The following PAXIP1 variants were observed in gnomAD, a reference collection of about 807,000 sequenced individuals.
PAXIP1 encodes PAX interacting protein 1.
In PAXIP1, 19 loss-of-function variants were observed where a neutral mutation model predicts 140.6. The observed-to-expected ratio is 0.14, with a 90% CI of 0.09 to 0.20. PAXIP1 has a LOEUF of 0.20. PAXIP1 is among the 10% of genes least tolerant of loss of function. The pLI, the probability that PAXIP1 is intolerant of heterozygous loss-of-function variation, is 1.00. For missense variants in PAXIP1, 920 were observed against 1,208.6 expected (o/e 0.76, Z 3.54); for synonymous variants, 442 against 444.6 (o/e 0.99, Z 0.07).
chr7:154,963,809 A>C lies in PAXIP1; in HGVS notation c.1894-43T>G, dbSNP rs1808875753. 2 of 1,304,678 alleles carry C rather than the reference A, an allele frequency of 1.5e-6. No individual in the cohort carries two copies. Among genetic ancestry groups the C allele is most frequent in the Admixed American group, 3.6e-5 (2 of 55,620 alleles). The allele number at this position is 1,304,678 out of a possible 1,614,324, so 80.8% of individuals were successfully genotyped here. A position where few individuals can be genotyped will look rare whatever the true frequency, so the allele number is the denominator to read the frequency against. On this transcript the variant is annotated intron_variant, in intron 8 of 20. Transcript: ENST00000404141. The surrounding 1 kb of genome is among the most constrained non-coding windows in gnomAD (Gnocchi z 4.1). ...ACCAATGCAGTCATCAATCACTCAG[A>C]ATAGAGGAGAATTCCAATTTCAAAT...
At position 154,963,899 on chromosome 7, in the gene PAXIP1, A is replaced by G. The variant is rs188029153; in HGVS notation, c.1894-133T>C. On this transcript the variant is annotated intron_variant, in intron 8 of 20. Transcript: ENST00000404141. The surrounding 1 kb of genome is among the most constrained non-coding windows in gnomAD (Gnocchi z 4.1). ...TGTATTTCCTCAAAGTATCAAGGAC[A>G]TGTAACAGTTCTATTTACGGACTTT... The G allele has an allele frequency of 1.7e-4, 111 of 663,940 alleles. 1 individual carries two copies. In the East Asian group the frequency reaches 2.6e-3, roughly 16 times the overall value. 41.1% of individuals were successfully genotyped at this position (663,940 alleles called of 1,614,324 possible). A position where few individuals can be genotyped will look rare whatever the true frequency, so the allele number is the denominator to read the frequency against.
chr7:154,945,928 TC>T, intron 20 of PAXIP1: 1 of 985,442 alleles, frequency 1.0e-6, no homozygotes, highest in Non-Finnish European at 1.2e-6. Flanking sequence ...AAGTATTCAT[TC>T]TGCCGCTTCC....
At chr7:154,948,240 G>T (rs1202744627) in intron 16 of PAXIP1, 1 of 470,180 alleles carries the variant, frequency 2.1e-6, no homozygotes, top group Admixed American at 3.4e-5. Context: ...AACCATTTGG[G>T]GTCATAAACT....
rs764368417 is a variant in PAXIP1 at position 154,975,787 on chromosome 7, A to G, written c.983T>C (p.Ile328Thr). 9 of 1,613,792 alleles carry G rather than the reference A, an allele frequency of 5.6e-6. No homozygotes were observed. Among genetic ancestry groups the G allele is most frequent in the African/African-American group, 5.3e-5 (4 of 74,918 alleles). Residue 328 changes from isoleucine (I) to threonine (T), a missense_variant, in exon 6 of 21, where the codon ATA becomes ACA. By Grantham distance (89) the Ile-to-Thr change is moderately conservative. Transcript: ENST00000404141. ...CCGTACAGCTGGACTCCAGGTAGCT[A>G]TCATTTCTGATCTTTCAGAACTTTG... ...NLQSSERSEM[I>T]ATWSPAVRTL...
intron 5 of PAXIP1, among the ~76,000 whole-genome samples, chr7:154,982,905 T>C (rs1809909541): frequency 6.6e-6 from 1 of 152,148 alleles, no homozygotes; most frequent in Admixed American, 6.5e-5. Flanking sequence ...TAAAAATACA[T>C]TTTTTTAACA....
At chr7:154,974,618 C>T (rs751711709) in intron 6 of PAXIP1, 2 of 152,196 alleles carry the variant, frequency 1.3e-5, no homozygotes, top group Non-Finnish European at 2.9e-5. Context: ...ACCATCTCGT[C>T]TAAAATAGCC....
At chr7:154,971,394 C>T (rs1037109780) in intron 6 of PAXIP1, among the ~76,000 whole-genome samples, 5 of 152,236 alleles carry the variant, frequency 3.3e-5, no homozygotes, top group African/African-American at 9.6e-5. Flanking sequence ...ACAAGAGTCC[C>T]GGCTAGGAAT....
chr7:154,946,354 G>A lies in PAXIP1; in HGVS notation c.3194+11C>T. ...CCCGTCTACTTTTTAATTCTCTTTT[G>A]GAAAGGATATGATTCATAGTCCAGC... On this transcript the variant is annotated intron_variant, in intron 20 of 20. Transcript: ENST00000404141. This position sits in a 1 kb window ranked among gnomAD's most constrained non-coding sequence, Gnocchi z 4.9. 1.2e-6 allele frequency: 2 copies of A among 1,613,780 alleles called. No homozygotes were observed. The highest frequency in any genetic ancestry group is 2.2e-5 in the South Asian group (2 of 91,074).
At chr7:154,990,950 A>T in intron 4 of PAXIP1, 56 bp downstream of exon 4, 3 of 1,069,056 alleles carry the variant, frequency 2.8e-6, no homozygotes, top group Non-Finnish European at 4.1e-6. Context: ...CCAACCATAC[A>T]AAAACTCAGA....
intron 2 of PAXIP1, among the ~76,000 whole-genome samples, chr7:154,995,804 A>G (rs1279510369): frequency 2.6e-5 from 4 of 152,166 alleles, no homozygotes; most frequent in Non-Finnish European, 4.4e-5. Flanking sequence ...AGTCGAGATC[A>G]CACCATTGCA....
rs1220343343 is a variant in PAXIP1, at chr7:154,973,227, C to T, written c.1074+2469G>A. ...TCAGCCACACATTCCCAACCACCCC[C>T]AAGACCCATGGTCAGTGGCAGGCCT... On this transcript the variant is annotated intron_variant, in intron 6 of 20. Coordinates refer to ENST00000404141, the MANE Select transcript of PAXIP1 (RefSeq NM_007349.4). This position sits in a 1 kb window ranked among gnomAD's most constrained non-coding sequence, Gnocchi z 4.0. Among the ~76,000 whole-genome samples, 1 of 152,188 alleles carries T rather than the reference C, an allele frequency of 6.6e-6. No homozygotes were observed. Among genetic ancestry groups the T allele is most frequent in the Non-Finnish European group, 1.5e-5 (1 of 68,028 alleles).
Position 154,955,649 on chromosome 7 carries a change from A to G in PAXIP1, c.2550-18T>C. On this transcript the variant is annotated intron_variant, in intron 14 of 20. Coordinates refer to ENST00000404141, the MANE Select transcript of PAXIP1 (RefSeq NM_007349.4). ...CTTCAATTCTGTGGAAGAAATACAC[A>G]TAAAATAGTAGTGATTTCATATTTA... The G allele has an allele frequency of 1.5e-6, 2 of 1,323,928 alleles. No homozygotes were observed. The highest frequency in any genetic ancestry group is 2.1e-6 in the Non-Finnish European group (2 of 950,850). 82.0% of individuals were successfully genotyped at this position (1,323,928 alleles called of 1,614,324 possible).
chr7:154,947,106 A>G (rs965053569), intron 17 of PAXIP1: 1 of 242,920 alleles, frequency 4.1e-6, no homozygotes, highest in African/African-American at 2.3e-5. Context: ...TATTACAAAT[A>G]TTTTTCACAA....
At chr7:155,000,013 T>C (rs1810814895) in intron 1 of PAXIP1, 1 of 152,170 alleles carries the variant, frequency 6.6e-6, no homozygotes, top group Non-Finnish European at 1.5e-5. Context: ...AGGTGGGCAG[T>C]GTCTAAGCTG....
chr7:154,989,046 AC>A (rs1479048364), intron 4 of PAXIP1, among the ~76,000 whole-genome samples: 1 of 152,250 alleles, frequency 6.6e-6, no homozygotes, highest in African/African-American at 2.4e-5. Flanking sequence ...ATATGAAAAA[AC>A]ATTGCAAAAT....
intron 8 of PAXIP1, chr7:154,965,212 G>C (rs1029173632): frequency 1.3e-5 from 2 of 152,252 alleles, no homozygotes; most frequent in African/African-American, 4.8e-5. Context: ...GCCCTCTGGA[G>C]AGCCTCTGTG....
chr7:155,002,672 C>T (rs1346850599), intron 1 of PAXIP1, among the ~76,000 whole-genome samples, 177 bp downstream of exon 1: 3 of 151,412 alleles, frequency 2.0e-5, no homozygotes, highest in Admixed American at 2.0e-4. Context: ...GGGCCCGGGC[C>T]TCCCGCGCCC....
At chr7:154,960,795 C>A in intron 12 of PAXIP1, 98 bp downstream of exon 12, 3 of 824,650 alleles carry the variant, frequency 3.6e-6, no homozygotes, top group South Asian at 2.6e-5. Context: ...TTAGAAAGCT[C>A]AAGCCAGGCC....
rs1808884412 is a variant in PAXIP1 at position 154,963,973 on chromosome 7, A to G, written c.1894-207T>C. The G allele has an allele frequency of 1.9e-6, 1 of 534,468 alleles. No homozygotes were observed. The highest frequency in any genetic ancestry group is 2.2e-5 in the South Asian group (1 of 45,984). 33.1% of individuals were successfully genotyped at this position (534,468 alleles called of 1,614,324 possible). On this transcript the variant is annotated intron_variant, in intron 8 of 20. Transcript: ENST00000404141. This position sits in a 1 kb window ranked among gnomAD's most constrained non-coding sequence, Gnocchi z 4.1. ...AATGAACTCCAATACTCTAAATTTA[A>G]TCTGAATTCCCAGGATACAAGAGAA...
Sources: gnomAD v4.1 joint callset for allele counts (sites outside exome capture counted in the v4.1 genomes callset) on GRCh38, gnomAD v4.1.1 for gene constraint, Gnocchi (gnomAD v3.1) non-coding constraint, MANE v1.5 for transcripts, NCBI Gene and HGNC (gene_info 2026-07-23, HGNC 2026-07-21) for gene names.